Variants in GRB10 observed in about 807,000 individuals in gnomAD.
GRB10 encodes growth factor receptor bound protein 10.
A neutral mutation model predicts 80.9 loss-of-function variants in GRB10; 20 were observed. That is an observed-to-expected ratio of 0.25 (90% CI 0.17 to 0.36). The LOEUF (loss-of-function observed/expected upper bound fraction) is 0.36, where lower values mean the gene tolerates loss of function less well. GRB10 is among the 10% of genes least tolerant of loss of function. GRB10 has a pLI of 1.00. For missense variants in GRB10, 548 were observed against 747.7 expected (o/e 0.73, Z 3.12); for synonymous variants, 291 against 291.5 (o/e 1.00, Z 0.02).
chr7:50,717,392 T>C (rs1264117467), intron 4 of GRB10, among the ~76,000 whole-genome samples: 3 of 152,214 alleles, frequency 2.0e-5, no homozygotes, highest in African/African-American at 4.8e-5. Context: ...TGCCAGGCCA[T>C]GTGCTCCTAA....
chr7:50,728,308 A>G (rs2069005577), intron 4 of GRB10, among the ~76,000 whole-genome samples: 1 of 152,148 alleles, frequency 6.6e-6, no homozygotes, highest in Non-Finnish European at 1.5e-5. Flanking sequence ...AGACTTTGGG[A>G]ATGGAATTCA....
intron 3 of GRB10, among the ~76,000 whole-genome samples, chr7:50,751,788 C>A (rs923409926): frequency 6.6e-6 from 1 of 152,116 alleles, no homozygotes; most frequent in Non-Finnish European, 1.5e-5. Flanking sequence ...AATTTGGTGA[C>A]CAAGAACAAG....
At chr7:50,659,701 C>T (rs2059041570) in intron 7 of GRB10, among the ~76,000 whole-genome samples, 1 of 152,188 alleles carries the variant, frequency 6.6e-6, no homozygotes, top group Non-Finnish European at 1.5e-5. Flanking sequence ...CAGGACAGCC[C>T]CTCACCTAGA....
chr7:50,634,024 C>T (rs568552207), intron 7 of GRB10, among the ~76,000 whole-genome samples: 4 of 152,098 alleles, frequency 2.6e-5, no homozygotes, highest in Non-Finnish European at 5.9e-5. Flanking sequence ...TATGCAGATA[C>T]AAGAAATTCA....
intron 4 of GRB10, among the ~76,000 whole-genome samples, chr7:50,723,051 G>A (rs571040906): frequency 2.0e-5 from 3 of 152,146 alleles, no homozygotes; most frequent in East Asian, 1.9e-4. Context: ...TCACAATGTC[G>A]AAAAATAAAA....
intron 2 of GRB10, among the ~76,000 whole-genome samples, chr7:50,764,279 G>C (rs1418770664): frequency 3.3e-5 from 5 of 152,212 alleles, no homozygotes; most frequent in Non-Finnish European, 5.9e-5. Context: ...CTCAGCCCTT[G>C]GCTGCCTCTT....
Position 50,669,355 on chromosome 7 carries a change from G to A in GRB10, c.504+367C>T, listed in dbSNP as rs79876516. Among the ~76,000 whole-genome samples the A allele has an allele frequency of 2.1e-4, 32 of 152,262 alleles. No individual in the cohort carries two copies. In the East Asian group the frequency reaches 2.3e-3, roughly 11 times the overall value. The stretch of plus-strand genomic sequence containing the variant: ...AAGGCAAAGCAGGAACTGGCGTCTC[G>A]CACAGCAGGAGTGGGAGCAAGGGGA... On this transcript the variant is annotated intron_variant, in intron 7 of 18. Coordinates refer to ENST00000401949, the MANE Select transcript of GRB10 (RefSeq NM_001350814.2).
intron 4 of GRB10, among the ~76,000 whole-genome samples, chr7:50,724,482 AGCAGTG>A (rs2068266625): frequency 6.6e-6 from 1 of 152,244 alleles, no homozygotes; most frequent in Non-Finnish European, 1.5e-5. Context: ...CCTGGGACAC[AGCAGTG>A]GGTGCATGAA....
intron 7 of GRB10, among the ~76,000 whole-genome samples, chr7:50,650,460 T>C (rs1479172389): frequency 1.3e-5 from 2 of 151,926 alleles, no homozygotes; most frequent in South Asian, 2.1e-4. Flanking sequence ...TTCACTTAGA[T>C]GAGATGTGTC....
chr7:50,746,119 A>C (rs2072846913), intron 3 of GRB10, among the ~76,000 whole-genome samples: 1 of 152,212 alleles, frequency 6.6e-6, no homozygotes, highest in African/African-American at 2.4e-5. Context: ...CATAATCTGT[A>C]CAGATGGTTC....
At chr7:50,709,008 T>C (rs760183998) in intron 4 of GRB10, among the ~76,000 whole-genome samples, 2 of 152,152 alleles carry the variant, frequency 1.3e-5, no homozygotes, top group African/African-American at 2.4e-5. Context: ...CCTTAATCAC[T>C]ATGCTCTCTA....
chr7:50,618,460 A>G (rs2051046185), intron 9 of GRB10, among the ~76,000 whole-genome samples: 1 of 152,244 alleles, frequency 6.6e-6, no homozygotes, highest in Non-Finnish European at 1.5e-5. Context: ...AGCGTGAGAT[A>G]AAGAATTCCT....
chr7:50,633,444 A>G (rs1260205414), intron 7 of GRB10, among the ~76,000 whole-genome samples: 1 of 152,224 alleles, frequency 6.6e-6, no homozygotes, highest in African/African-American at 2.4e-5. Context: ...TAAATTCAAA[A>G]ATAAGTAGTG....
intron 4 of GRB10, among the ~76,000 whole-genome samples, chr7:50,718,233 G>A (rs1158374549): frequency 2.0e-5 from 3 of 152,192 alleles, no homozygotes; most frequent in Non-Finnish European, 2.9e-5. Context: ...AACAGAGAGA[G>A]GGGAGGCCAG....
intron 5 of GRB10, among the ~76,000 whole-genome samples, chr7:50,700,815 G>C (rs1328080997): frequency 6.6e-6 from 1 of 152,106 alleles, no homozygotes; most frequent in Non-Finnish European, 1.5e-5. Flanking sequence ...TTCACACTGG[G>C]TCAAAGAACA....
At chr7:50,690,668 G>C (rs1302986004) in intron 5 of GRB10, among the ~76,000 whole-genome samples, 1 of 102,826 alleles carries the variant, frequency 9.7e-6, no homozygotes, top group Admixed American at 1.2e-4. Context: ...TTTCACAAAT[G>C]AATGAACGAA....
chr7:50,765,999 A>G (rs1227853064), intron 2 of GRB10, among the ~76,000 whole-genome samples: 1 of 152,208 alleles, frequency 6.6e-6, no homozygotes, highest in Non-Finnish European at 1.5e-5. Context: ...CCGCAGAGCA[A>G]AAGGAGCCAA....
At chr7:50,680,186 C>T in intron 5 of GRB10, among the ~76,000 whole-genome samples, 1 of 152,206 alleles carries the variant, frequency 6.6e-6, no homozygotes. Context: ...TTCCTACACA[C>T]AGGCAGGATT....
At chr7:50,702,371 T>A (rs147282686) in intron 5 of GRB10, among the ~76,000 whole-genome samples, 8 of 152,236 alleles carry the variant, frequency 5.3e-5, no homozygotes, top group South Asian at 2.1e-4. Flanking sequence ...CCCTAGGACC[T>A]AGGCCAGCAG....
Sources: allele counts gnomAD v4.1 joint callset (sites outside exome capture counted in the v4.1 genomes callset), GRCh38; gene constraint gnomAD v4.1.1; transcripts MANE v1.5; gene names NCBI Gene and HGNC (gene_info 2026-07-23, HGNC 2026-07-21).